VAT1L: variants seen among roughly 807,000 people sequenced by gnomAD.
VAT1L encodes the protein vesicle amine transport 1 like.
In VAT1L, 34 loss-of-function variants were observed where a neutral mutation model predicts 44.1. The ratio of observed to expected loss-of-function variants is 0.77; its 90% CI spans 0.59 to 1.03. The LOEUF (loss-of-function observed/expected upper bound fraction) is 1.03, where lower values mean the gene tolerates loss of function less well. VAT1L is among the 50% of genes least tolerant of loss of function. The pLI is 0.00. For synonymous variants in VAT1L, 253 were observed against 202.2 expected (o/e 1.25, Z -2.13); for missense variants, 615 against 538.8 (o/e 1.14, Z -1.40).
intron 3 of VAT1L, among the ~76,000 whole-genome samples, chr16:77,854,990 CAAG>C (rs2016843448): frequency 6.6e-6 from 1 of 152,058 alleles, no homozygotes; most frequent in African/African-American, 2.4e-5. Flanking sequence ...TCAATGTGAT[CAAG>C]AAATCTTAGA....
chr16:77,894,508 A>G (rs1013914258), intron 7 of VAT1L, among the ~76,000 whole-genome samples: 5 of 152,212 alleles, frequency 3.3e-5, no homozygotes, highest in Non-Finnish European at 7.3e-5. Context: ...CAGAGGTCAC[A>G]GGAGGGCTAT....
At position 77,978,505 on chromosome 16, in the gene VAT1L, T is replaced by G. The variant is rs2018365267; in HGVS notation, c.*810T>G. On this transcript the variant is annotated 3_prime_UTR_variant, in exon 9 of 9. Transcript: ENST00000302536. Reference sequence around the variant, plus strand: ...CACATTCAGAAGTCATTCCTGAGCATTGCTGGTGTTTGCACACTTGCCACC... The same window carrying G: ...CACATTCAGAAGTCATTCCTGAGCAGTGCTGGTGTTTGCACACTTGCCACC... 6.6e-6 allele frequency: 1 copy of G among 152,238 alleles called. No homozygotes were observed. Among genetic ancestry groups the G allele is most frequent in the African/African-American group, 2.4e-5 (1 of 41,472 alleles). 9.4% of individuals were successfully genotyped at this position (152,238 alleles called of 1,614,324 possible). A position where few individuals can be genotyped will look rare whatever the true frequency, so the allele number is the denominator to read the frequency against.
Position 77,941,541 on chromosome 16 carries a change from G to C in VAT1L, c.1078-30309G>C, listed in dbSNP as rs576343997. On this transcript the variant is annotated intron_variant, in intron 7 of 8. Coordinates refer to ENST00000302536, the MANE Select transcript of VAT1L (RefSeq NM_020927.3). ...TCATTTGGATATATACACAGTAATG[G>C]GACTGCTGGGTCAAATGGTAGTTCT... Among the ~76,000 whole-genome samples the C allele has an allele frequency of 2.0e-5, 3 of 152,206 alleles. No homozygotes were observed. The South Asian group carries it at 6.2e-4, about 32-fold the overall frequency.
At chr16:77,822,641 G>A (rs1370987453) in intron 2 of VAT1L, among the ~76,000 whole-genome samples, 1 of 152,208 alleles carries the variant, frequency 6.6e-6, no homozygotes, top group Admixed American at 6.5e-5. Context: ...TCAGAGAGGG[G>A]AAGACCTGCT....
intron 7 of VAT1L, among the ~76,000 whole-genome samples, chr16:77,946,439 AC>A (rs1014132520): frequency 2.0e-5 from 3 of 150,824 alleles, no homozygotes; most frequent in Admixed American, 6.6e-5. Context: ...ACCCGCCACC[AC>A]GGCCAGCTAA....
Position 77,978,401 on chromosome 16 carries a change from T to C in VAT1L, c.*706T>C, listed in dbSNP as rs2018364245. On this transcript the variant is annotated 3_prime_UTR_variant, in exon 9 of 9. Coordinates refer to ENST00000302536, the MANE Select transcript of VAT1L (RefSeq NM_020927.3). ...TTTGAGGACCTGCTGTGAAGATTTC[T>C]CCTCCAAAATACATCTCATGGGCAG... 1 of 152,256 alleles carries C rather than the reference T, an allele frequency of 6.6e-6. No homozygotes were observed. The highest frequency in any genetic ancestry group is 2.4e-5 in the African/African-American group (1 of 41,456). 9.4% of individuals were successfully genotyped at this position (152,256 alleles called of 1,614,324 possible).
chr16:77,867,687 C>T (rs1016508857), intron 4 of VAT1L, among the ~76,000 whole-genome samples: 1 of 151,920 alleles, frequency 6.6e-6, no homozygotes, highest in Admixed American at 6.6e-5. Context: ...GGTGAAACCC[C>T]GTCTCTACTA....
chr16:77,815,850 C>A (rs1490767063), intron 1 of VAT1L, among the ~76,000 whole-genome samples: 1 of 151,730 alleles, frequency 6.6e-6, no homozygotes, highest in East Asian at 1.9e-4. Flanking sequence ...CACCTGTAAT[C>A]CCAGCTACTT....
At chr16:77,908,824 G>C (rs1597093758) in intron 7 of VAT1L, among the ~76,000 whole-genome samples, 1 of 152,034 alleles carries the variant, frequency 6.6e-6, no homozygotes, top group South Asian at 2.1e-4. Context: ...TGAGGCAGGA[G>C]CACGGCGTGA....
At chr16:77,799,464 G>C (rs2016001822) in intron 1 of VAT1L, among the ~76,000 whole-genome samples, 1 of 151,248 alleles carries the variant, frequency 6.6e-6, no homozygotes, top group Non-Finnish European at 1.5e-5. Context: ...TGGTCTAAAA[G>C]AAGGTAAGCA....
At chr16:77,859,090 G>A (rs895543767) in intron 3 of VAT1L, among the ~76,000 whole-genome samples, 2 of 151,392 alleles carry the variant, frequency 1.3e-5, no homozygotes, top group Non-Finnish European at 2.9e-5. Flanking sequence ...AGCTAAGATC[G>A]TGCTGCTGCA....
rs560646092 is a variant in VAT1L, at chr16:77,892,654, C to G, written c.1077+7852C>G. On this transcript the variant is annotated intron_variant, in intron 7 of 8. Coordinates refer to ENST00000302536, the MANE Select transcript of VAT1L (RefSeq NM_020927.3). ...ATAATGGCACTGGTGGCAACTCCAT[C>G]TATGGAGAGAAATTAGATGATGAGA... 155 of 710,038 alleles carry G rather than the reference C, an allele frequency of 2.2e-4. 2 individuals are homozygous for G. The Middle Eastern group carries it at 5.9e-3, about 27-fold the overall frequency. 44.0% of individuals were successfully genotyped at this position (710,038 alleles called of 1,614,324 possible).
At chr16:77,931,936 T>C (rs371433038) in intron 7 of VAT1L, among the ~76,000 whole-genome samples, 2 of 152,208 alleles carry the variant, frequency 1.3e-5, no homozygotes, top group East Asian at 1.9e-4. Flanking sequence ...TTTACTGCTA[T>C]GTTTTGGGAT....
At chr16:77,881,901 G>A (rs75033806) in intron 6 of VAT1L, among the ~76,000 whole-genome samples, 1 of 152,214 alleles carries the variant, frequency 6.6e-6, no homozygotes, top group African/African-American at 2.4e-5. Context: ...TGTAAGAAGT[G>A]TTTTCCCTTT....
chr16:77,913,636 C>T (rs912086097), intron 7 of VAT1L, among the ~76,000 whole-genome samples: 1 of 152,054 alleles, frequency 6.6e-6, no homozygotes, highest in Non-Finnish European at 1.5e-5. Context: ...CCCAGGGCTC[C>T]GTCCTTGGGA....
rs1193062811 is a variant in VAT1L at position 77,879,552 on chromosome 16, C to T, written c.882+328C>T. Reference sequence around the variant, plus strand: ...CTGCCCGCCTCAGCCTCCCAAAGTGCTGGGATTACAGGCGTGAGCCACCGC... The same window carrying T: ...CTGCCCGCCTCAGCCTCCCAAAGTGTTGGGATTACAGGCGTGAGCCACCGC... On this transcript the variant is annotated intron_variant, in intron 6 of 8. Coordinates refer to ENST00000302536, the MANE Select transcript of VAT1L (RefSeq NM_020927.3). This position sits in a 1 kb window ranked among gnomAD's most constrained non-coding sequence, Gnocchi z 4.1. 6.6e-6 allele frequency among the ~76,000 whole-genome samples: 1 copy of T among 152,242 alleles called. No homozygotes were observed. Among genetic ancestry groups the T allele is most frequent in the African/African-American group, 2.4e-5 (1 of 41,460 alleles).
intron 3 of VAT1L, among the ~76,000 whole-genome samples, chr16:77,832,805 T>A (rs1446694273): frequency 1.3e-5 from 2 of 152,232 alleles, no homozygotes; most frequent in Non-Finnish European, 2.9e-5. Flanking sequence ...ACACCATCTA[T>A]GTGCCTGAGC....
chr16:77,833,764 AAG>A (rs1394308788), intron 3 of VAT1L, among the ~76,000 whole-genome samples: 2 of 151,812 alleles, frequency 1.3e-5, no homozygotes, highest in East Asian at 1.9e-4. Flanking sequence ...AAAAAAGAAA[AAG>A]AAAAAAAAGA....
chr16:77,795,813 CTTTTTTTTTTTTTTTT>C (rs56725954), intron 1 of VAT1L, among the ~76,000 whole-genome samples: 1 of 100,582 alleles, frequency 9.9e-6, no homozygotes, highest in African/African-American at 3.8e-5. Context: ...CCTTTTTTCT[CTTTTTTTTTTTTTTTT>C]TTTTTTTTTC....
Sources: allele counts gnomAD v4.1 joint callset (sites outside exome capture counted in the v4.1 genomes callset), GRCh38; gene constraint gnomAD v4.1.1; non-coding constraint Gnocchi (gnomAD v3.1); transcripts MANE v1.5; gene names NCBI Gene and HGNC (gene_info 2026-07-23, HGNC 2026-07-21).